PRELID2: variants seen among roughly 807,000 people sequenced by gnomAD.
PRELID2 encodes the protein PRELI domain-containing protein 2.
A neutral mutation model predicts 28.4 loss-of-function variants in PRELID2; 25 were observed. That is an observed-to-expected ratio of 0.88 (90% CI 0.64 to 1.23). The LOEUF is 1.23. PRELID2 is among the 50% of genes most tolerant of loss of function. PRELID2 has a pLI of 0.00. For synonymous variants in PRELID2, 76 were observed against 71.6 expected (o/e 1.06, Z -0.31); for missense variants, 201 against 214.4 (o/e 0.94, Z 0.39).
intron 1 of PRELID2, among the ~76,000 whole-genome samples, chr5:145,603,060 G>A (rs975805891): frequency 4.0e-5 from 6 of 151,864 alleles, no homozygotes; most frequent in African/African-American, 1.2e-4. Context: ...CTCAAGAAAC[G>A]TGAAAAATAA....
intron 4 of PRELID2, among the ~76,000 whole-genome samples, chr5:145,816,056 C>G (rs1389193614): frequency 6.7e-6 from 1 of 149,648 alleles, no homozygotes; most frequent in Non-Finnish European, 1.5e-5. Flanking sequence ...TATCCACAAC[C>G]AATCCTTGTT....
the PRELID2 span, among the ~76,000 whole-genome samples, chr5:145,279,988 T>C: frequency 6.6e-6 from 1 of 152,154 alleles, no homozygotes; most frequent in African/African-American, 2.4e-5. Context: ...AAATGAATGA[T>C]TGGCTTATCT....
the PRELID2 span, among the ~76,000 whole-genome samples, chr5:145,243,545 G>T: frequency 6.6e-6 from 1 of 151,950 alleles, no homozygotes; most frequent in Non-Finnish European, 1.5e-5. Flanking sequence ...GTTAAAGAAG[G>T]CTATGAAAGC....
chr5:145,467,923 T>TA (rs879658948), downstream of PRELID2, among the ~76,000 whole-genome samples: 79 of 145,398 alleles, frequency 5.4e-4, no homozygotes, highest in Non-Finnish European at 8.2e-4. Context: ...TATATATATA[T>TA]TTTTTTATTA....
chr5:145,439,784 C>A, the PRELID2 span, among the ~76,000 whole-genome samples: 1 of 152,092 alleles, frequency 6.6e-6, no homozygotes, highest in Non-Finnish European at 1.5e-5. Flanking sequence ...TTACCTGGAT[C>A]TCCTAACTTG....
At chr5:145,231,039 C>T in the PRELID2 span, among the ~76,000 whole-genome samples, 3 of 152,236 alleles carry the variant, frequency 2.0e-5, no homozygotes, top group East Asian at 1.9e-4. Flanking sequence ...ATCAGAAGCA[C>T]GTCACTAAAT....
chr5:145,342,412 A>G, the PRELID2 span, among the ~76,000 whole-genome samples: 2 of 152,158 alleles, frequency 1.3e-5, no homozygotes, highest in Non-Finnish European at 2.9e-5. Flanking sequence ...TAAACAAGAG[A>G]AAAGAGAGAA....
intron 1 of PRELID2, among the ~76,000 whole-genome samples, chr5:145,478,495 G>C (rs984267864): frequency 2.6e-5 from 4 of 151,966 alleles, no homozygotes; most frequent in Admixed American, 6.6e-5. Context: ...AGGTTGCAGT[G>C]AGCCAAGATC....
chr5:145,724,900 G>A (rs1286020987), intron 1 of PRELID2, among the ~76,000 whole-genome samples: 2 of 150,518 alleles, frequency 1.3e-5, no homozygotes, highest in African/African-American at 4.9e-5. Flanking sequence ...ACACCACTAA[G>A]CCTAGCTAAT....
the PRELID2 span, among the ~76,000 whole-genome samples, chr5:145,365,008 C>T: frequency 1.3e-5 from 2 of 151,970 alleles, no homozygotes; most frequent in Non-Finnish European, 2.9e-5. Context: ...CTCTTGCTCT[C>T]TTTCTAGAGA....
chr5:145,638,691 C>CA (rs1327779948), intron 1 of PRELID2, among the ~76,000 whole-genome samples: 5 of 151,628 alleles, frequency 3.3e-5, no homozygotes, highest in Non-Finnish European at 1.5e-5. Flanking sequence ...AGTCTATGAC[C>CA]AAAAAAACAG....
At chr5:145,546,793 A>C (rs1752791814) in intron 1 of PRELID2, among the ~76,000 whole-genome samples, 2 of 152,156 alleles carry the variant, frequency 1.3e-5, no homozygotes, top group Admixed American at 6.5e-5. Flanking sequence ...GAAAACAAAA[A>C]ATGCCTATTC....
the PRELID2 span, among the ~76,000 whole-genome samples, chr5:145,295,557 T>C: frequency 6.6e-6 from 1 of 152,274 alleles, no homozygotes; most frequent in South Asian, 2.1e-4. Flanking sequence ...ACAAGGCAAC[T>C]CCACAATGTG....
the PRELID2 span, among the ~76,000 whole-genome samples, chr5:145,386,827 G>C: frequency 6.6e-6 from 1 of 152,136 alleles, no homozygotes; most frequent in African/African-American, 2.4e-5. Context: ...TTATAGAGGA[G>C]CTTCAACCTC....
At chr5:145,369,621 C>A in the PRELID2 span, among the ~76,000 whole-genome samples, 5 of 152,016 alleles carry the variant, frequency 3.3e-5, no homozygotes. Context: ...ATTTATATTT[C>A]TTTGGGTATA....
At chr5:145,272,372 T>A in the PRELID2 span, among the ~76,000 whole-genome samples, 1 of 152,130 alleles carries the variant, frequency 6.6e-6, no homozygotes, top group Non-Finnish European at 1.5e-5. Context: ...TGGTAATGCA[T>A]CAGGCTACAA....
chr5:145,602,257 G>A (rs73792642), intron 1 of PRELID2, among the ~76,000 whole-genome samples: 5,322 of 152,256 alleles, frequency 0.035, 280 homozygotes, highest in African/African-American at 0.12. Flanking sequence ...GCCCAAGACA[G>A]ATAGCACATA....
chr5:145,781,480 C>T (rs1314964760), intron 5 of PRELID2, among the ~76,000 whole-genome samples: 1 of 151,744 alleles, frequency 6.6e-6, no homozygotes. Context: ...AGTAATGATG[C>T]CTTTTTTTGA....
intron 5 of PRELID2, among the ~76,000 whole-genome samples, chr5:145,783,947 A>C (rs986390894): frequency 1.9e-4 from 29 of 152,168 alleles, no homozygotes; most frequent in African/African-American, 6.8e-4. Context: ...TAAAGAATTG[A>C]GCACCTCAGA....
Sources: gnomAD v4.1 joint callset for allele counts (sites outside exome capture counted in the v4.1 genomes callset) on GRCh38, gnomAD v4.1.1 for gene constraint, MANE v1.5 for transcripts, NCBI Gene and HGNC (gene_info 2026-07-23, HGNC 2026-07-21) for gene names.